The following ALMS1 variants were observed in gnomAD, a reference collection of about 807,000 sequenced individuals.
ALMS1 encodes the protein centrosome-associated protein ALMS1.
Under a neutral mutation model 352.2 loss-of-function variants are expected in ALMS1, and 271 were observed. The observed-to-expected ratio is 0.77, with a 90% CI of 0.70 to 0.85. ALMS1 has a LOEUF of 0.85. Ranked by LOEUF, ALMS1 falls within the 40% of genes least tolerant of loss-of-function variation. The probability of loss-of-function intolerance (pLI) is 0.00; values close to 1 mark genes in which losing one functional copy is unlikely to be tolerated. For synonymous variants in ALMS1, 1,865 were observed against 1,761.2 expected, an observed-to-expected ratio of 1.06 and a Z score of -1.48; for missense variants, 5,445 against 4,870.7, an observed-to-expected ratio of 1.12 and a Z score of -3.51.
chr2:73,478,195 TG>T (rs1190071586), intron 9 of ALMS1, among the ~76,000 whole-genome samples: 1 of 152,202 alleles, frequency 6.6e-6, no homozygotes, highest in Non-Finnish European at 1.5e-5. Context: ...TTTGTTGAAC[TG>T]AACAGTAGCT....
intron 12 of ALMS1, among the ~76,000 whole-genome samples, chr2:73,546,143 G>A (rs1674315095): frequency 6.6e-6 from 1 of 152,086 alleles, no homozygotes; most frequent in South Asian, 2.1e-4. Flanking sequence ...ACCCTCTATA[G>A]CAAGGTTTTC....
intron 16 of ALMS1, among the ~76,000 whole-genome samples, chr2:73,595,576 G>A (rs1375485819): frequency 6.6e-6 from 1 of 152,184 alleles, no homozygotes; most frequent in Non-Finnish European, 1.5e-5. Flanking sequence ...TTTTTTGGAT[G>A]TGAATGCTGC....
chr2:73,458,865 TG>T (rs1221803179), intron 9 of ALMS1: 1 of 152,218 alleles, frequency 6.6e-6, no homozygotes, highest in African/African-American at 2.4e-5. Flanking sequence ...TGATTTTTCT[TG>T]GGTCATCACT....
intron 9 of ALMS1, chr2:73,469,701 A>C (rs983639093): frequency 6.6e-6 from 1 of 151,912 alleles, no homozygotes; most frequent in Non-Finnish European, 1.5e-5. Context: ...TGGTTATATG[A>C]TAGGTGAATT....
At chr2:73,480,604 C>T (rs1217602981) in intron 9 of ALMS1, among the ~76,000 whole-genome samples, 1 of 151,572 alleles carries the variant, frequency 6.6e-6, no homozygotes, top group African/African-American at 2.4e-5. Context: ...AATGGGATGG[C>T]TGGGTCAAAT....
chr2:73,460,822 C>T (rs896976143), intron 9 of ALMS1, among the ~76,000 whole-genome samples: 4 of 152,252 alleles, frequency 2.6e-5, no homozygotes, highest in Non-Finnish European at 5.9e-5. Context: ...GTCCTACGCC[C>T]ACAGAGTCTC....
rs115094583 is a variant in ALMS1 at position 73,433,759 on chromosome 2, A to G, written c.1432+1468A>G. On this transcript the variant is annotated intron_variant, in intron 7 of 22. Coordinates refer to ENST00000613296, the MANE Select transcript of ALMS1 (RefSeq NM_001378454.1). ...ACTACCTGGGCTGTTCTTTGTAGGA[A>G]GTTTTTAAATTGCTAATTTCATCTC... Among the ~76,000 whole-genome samples, 964 of 152,248 alleles carry G rather than the reference A, an allele frequency of 6.3e-3. 12 individuals are homozygous for G. The highest frequency in any genetic ancestry group is 0.022 in the African/African-American group (908 of 41,554).
chr2:73,492,446 G>A (rs1673010812), intron 10 of ALMS1, among the ~76,000 whole-genome samples: 1 of 152,122 alleles, frequency 6.6e-6, no homozygotes, highest in Non-Finnish European at 1.5e-5. Context: ...TGTTGTTTGT[G>A]GGCAAGAGAA....
At chr2:73,472,355 T>G (rs920019967) in intron 9 of ALMS1, among the ~76,000 whole-genome samples, 97 of 152,078 alleles carry the variant, frequency 6.4e-4, no homozygotes, top group African/African-American at 2.2e-3. Flanking sequence ...AATCTGTAAT[T>G]AAAAATATTT....
chr2:73,404,522 G>T (rs1228165489), intron 1 of ALMS1, among the ~76,000 whole-genome samples: 1 of 151,252 alleles, frequency 6.6e-6, no homozygotes, highest in African/African-American at 2.4e-5. Context: ...GTGCTATTTC[G>T]GTTTCATTTG....
chr2:73,464,814 C>A lies in ALMS1; in HGVS notation c.7674+9519C>A, dbSNP rs999032783. On this transcript the variant is annotated intron_variant, in intron 9 of 22. Coordinates refer to ENST00000613296, the MANE Select transcript of ALMS1 (RefSeq NM_001378454.1). ...TTATACACCAACAGCAGACAAAGAG[C>A]GAGCCAAATCATGAGTGAACTCCCA... is the stretch of plus-strand genomic sequence containing the variant. 6.4e-4 allele frequency among the ~76,000 whole-genome samples: 97 copies of A among 151,982 alleles called. 1 individual carries two copies. The highest frequency in any genetic ancestry group is 1.0e-3 in the Non-Finnish European group (68 of 67,932).
At chr2:73,517,872 G>A (rs1408632320) in intron 10 of ALMS1, among the ~76,000 whole-genome samples, 2 of 151,890 alleles carry the variant, frequency 1.3e-5, no homozygotes, top group Non-Finnish European at 2.9e-5. Context: ...TGGCCAGGCT[G>A]GTCTCGAACT....
intron 9 of ALMS1, among the ~76,000 whole-genome samples, chr2:73,461,382 T>A (rs1478149989): frequency 6.6e-6 from 1 of 152,216 alleles, no homozygotes; most frequent in African/African-American, 2.4e-5. Flanking sequence ...CCAACAGACC[T>A]GCAGCTGAGG....
At chr2:73,408,861 TGTC>T (rs372920214) in intron 2 of ALMS1, 114 bp downstream of exon 2, 39 of 790,164 alleles carry the variant, frequency 4.9e-5, no homozygotes, top group South Asian at 1.1e-4. Context: ...TATGTTTTCT[TGTC>T]TTTTTTTTTT....
chr2:73,487,329 G>C (rs965045670), intron 9 of ALMS1, among the ~76,000 whole-genome samples: 1 of 152,206 alleles, frequency 6.6e-6, no homozygotes, highest in Non-Finnish European at 1.5e-5. Context: ...TGACGGCTGT[G>C]GTAGGGCAGG....
intron 15 of ALMS1, among the ~76,000 whole-genome samples, chr2:73,571,861 T>C (rs1162509683): frequency 6.6e-6 from 1 of 152,104 alleles, no homozygotes; most frequent in African/African-American, 2.4e-5. Context: ...GTTTCTTAGC[T>C]GAATATGGGG....
chr2:73,446,446 A>G (rs1242309912), intron 7 of ALMS1, among the ~76,000 whole-genome samples: 1 of 152,204 alleles, frequency 6.6e-6, no homozygotes, highest in African/African-American at 2.4e-5. Flanking sequence ...CTTTAGACCC[A>G]GCAGGCAAGA....
At chr2:73,399,369 A>C (rs1409571726) in intron 1 of ALMS1, among the ~76,000 whole-genome samples, 1 of 152,144 alleles carries the variant, frequency 6.6e-6, no homozygotes, top group Non-Finnish European at 1.5e-5. Flanking sequence ...AAGAAGTTTA[A>C]TTGGCTCATG....
intron 2 of ALMS1, among the ~76,000 whole-genome samples, chr2:73,410,913 G>T (rs1304316221): frequency 1.3e-5 from 2 of 151,996 alleles, no homozygotes; most frequent in Non-Finnish European, 2.9e-5. Flanking sequence ...TTACCTGTTA[G>T]ATGCAAGATA....
Sources: allele counts gnomAD v4.1 joint callset (sites outside exome capture counted in the v4.1 genomes callset), GRCh38; gene constraint gnomAD v4.1.1; transcripts MANE v1.5; gene names NCBI Gene and HGNC (gene_info 2026-07-23, HGNC 2026-07-21).